RNF213: variants seen among roughly 807,000 people sequenced by gnomAD.
RNF213 encodes the protein ring finger protein 213, also known as E3 ubiquitin-protein ligase RNF213.
In RNF213, 341 loss-of-function variants were observed where a neutral mutation model predicts 514.4. That is an observed-to-expected ratio of 0.66 (90% CI 0.61 to 0.73). RNF213 has a LOEUF of 0.73. Ranked by LOEUF, RNF213 falls within the 30% of genes least tolerant of loss-of-function variation. RNF213 has a pLI of 0.00. For missense variants in RNF213, 5,767 were observed against 6,615.6 expected (o/e 0.87, Z 4.45); for synonymous variants, 2,655 against 2,658.2 (o/e 1.00, Z 0.04).
chr17:80,380,782 C>G (rs756832892), intron 55 of RNF213, 49 bp from the exon 56 acceptor site: 26 of 1,612,588 alleles, frequency 1.6e-5, no homozygotes, highest in Non-Finnish European at 2.2e-5. Context: ...TGCAGCGTGC[C>G]AAAGCGGCCA....
chr17:80,376,175 T>A (rs1320210166), intron 51 of RNF213, 126 bp from the exon 52 acceptor site: 11 of 1,176,622 alleles, frequency 9.3e-6, no homozygotes, highest in Non-Finnish European at 1.4e-5. Flanking sequence ...AATTTCCCCC[T>A]CAAATGGTGG....
rs139727178 is a variant in RNF213 at position 80,343,498 on chromosome 17, T to C, written c.6183+173T>C. On this transcript the variant is annotated intron_variant, in intron 27 of 67. Transcript: ENST00000582970. This position sits in a 1 kb window ranked among gnomAD's most constrained non-coding sequence, Gnocchi z 4.3. Reference sequence around the variant, plus strand: ...GTGTTGTCAGGCAGTTTCCTCCTTGTGTGAACGTCATGGTGTGCGCTTACA... The same window carrying C: ...GTGTTGTCAGGCAGTTTCCTCCTTGCGTGAACGTCATGGTGTGCGCTTACA... Among the ~76,000 whole-genome samples, 7 of 152,288 alleles carry C rather than the reference T, an allele frequency of 4.6e-5. No homozygotes were observed. The East Asian group carries it at 1.4e-3, about 29-fold the overall frequency.
rs755318187 is a variant in RNF213 at position 80,383,810 on chromosome 17, T to C, written c.14204T>C (p.Val4735Ala). 6.2e-7 allele frequency: 1 copy of C among 1,614,146 alleles called. No individual in the cohort carries two copies. The highest frequency in any genetic ancestry group is 1.3e-5 in the African/African-American group (1 of 75,046). The change falls in exon 59 of 68, where the codon GTC becomes GCC. Residue 4735 changes from valine (V) to alanine (A), a missense_variant. This residue lies in a region of RNF213 where 1,245 missense variants were observed against 1,339.0 expected (regional missense o/e 0.93). Transcript: ENST00000582970. ...FLPHLPRKSV[V>A]HCSKIWSCRK... ...CCCCACCTGCCCCGGAAAAGTGTGG[T>C]CCATTGCTCTAAGATTTGGAGCTGC...
At chr17:80,297,449 C>CA (rs763957997) in intron 10 of RNF213, among the ~76,000 whole-genome samples, 10,984 of 123,452 alleles carry the variant, frequency 0.089, 525 homozygotes, top group East Asian at 0.23. Context: ...GACTTCATCT[C>CA]AAAAAAAAAA....
intron 30 of RNF213, 108 bp from the exon 31 acceptor site, chr17:80,350,193 G>T: frequency 2.5e-6 from 2 of 810,768 alleles, no homozygotes; most frequent in East Asian, 2.6e-5. Flanking sequence ...AATCCTACCT[G>T]AGTAGCTGTT....
intron 52 of RNF213, 47 bp downstream of exon 52, chr17:80,376,590 A>C (rs770660616): frequency 8.7e-6 from 14 of 1,612,756 alleles, no homozygotes; most frequent in African/African-American, 1.3e-5. Context: ...AACACCCCCC[A>C]GAGCTTGTCA....
chr17:80,297,697 G>GA (rs1489988383), intron 10 of RNF213, among the ~76,000 whole-genome samples: 2 of 150,570 alleles, frequency 1.3e-5, no homozygotes, highest in Non-Finnish European at 2.9e-5. Context: ...TGAGGCAGGA[G>GA]AATGGCGTGA....
rs1487134269 is a variant in RNF213, at chr17:80,337,887, G to A, written c.4723G>A (p.Glu1575Lys). 7 of 1,537,148 alleles carry A rather than the reference G, an allele frequency of 4.6e-6. No homozygotes were observed. Among genetic ancestry groups the A allele is most frequent in the East Asian group, 2.4e-5 (1 of 40,928 alleles). ...LILPESPGSH[E>K]ESREYSLEEV... The stretch of plus-strand genomic sequence containing the variant: ...CCTTCCTGAGAGCCCTGGCAGCCAC[G>A]AGGAGTCACGAGAGTACTCTTTAGA... The change falls in exon 25 of 68, where the codon GAG (glutamate) becomes AAG (lysine). Residue 1575 changes from glutamate (E) to lysine (K), a missense_variant. Physicochemically the swap from Glu to Lys is moderately conservative, Grantham distance 56 (BLOSUM62 1). This residue lies in a region of RNF213 where 1,377 missense variants were observed against 1,635.2 expected (regional missense o/e 0.84). Transcript: ENST00000582970.
intron 1 of RNF213, among the ~76,000 whole-genome samples, chr17:80,262,359 G>A (rs1366358445): frequency 1.3e-5 from 2 of 152,208 alleles, no homozygotes; most frequent in East Asian, 1.9e-4. Flanking sequence ...TCAAAGAGAA[G>A]ACTGCAGAAG....
At position 80,263,608 on chromosome 17, in the gene RNF213, C is replaced by A; in HGVS notation, c.-74C>A. ...CTGAAGCCGTGGTCACGTGACAGGA[C>A]ATGTAGTATATAGCAGGCTGCCAGC... On this transcript the variant is annotated 5_prime_UTR_variant, in exon 2 of 68. Coordinates refer to ENST00000582970, the MANE Select transcript of RNF213 (RefSeq NM_001256071.3). This position sits in a 1 kb window ranked among gnomAD's most constrained non-coding sequence, Gnocchi z 4.9. 1 of 1,146,692 alleles carries A rather than the reference C, an allele frequency of 8.7e-7. No individual in the cohort carries two copies. Among genetic ancestry groups the A allele is most frequent in the Non-Finnish European group, 1.3e-6 (1 of 753,338 alleles). 71.0% of individuals were successfully genotyped at this position (1,146,692 alleles called of 1,614,324 possible). A position where few individuals can be genotyped will look rare whatever the true frequency, so the allele number is the denominator to read the frequency against.
intron 31 of RNF213, among the ~76,000 whole-genome samples, chr17:80,350,980 T>C (rs114341790): frequency 6.7e-4 from 102 of 152,386 alleles, no homozygotes; most frequent in African/African-American, 2.4e-3. Context: ...TTTTCCTATT[T>C]ATTGGATATT....
chr17:80,363,051 T>C (rs1450546425), intron 39 of RNF213, 51 bp from the exon 40 acceptor site: 9 of 1,509,962 alleles, frequency 6.0e-6, no homozygotes, highest in Non-Finnish European at 8.2e-6. Context: ...GGGGAAAACA[T>C]ACCATTTTTG....
chr17:80,305,640 C>G (rs1412138244), intron 11 of RNF213, among the ~76,000 whole-genome samples: 1 of 147,952 alleles, frequency 6.8e-6, no homozygotes, highest in Admixed American at 6.8e-5. Flanking sequence ...GAGACAGAGT[C>G]TCACTCTGTT....
intron 17 of RNF213, among the ~76,000 whole-genome samples, chr17:80,323,462 T>C (rs565885374): frequency 2.6e-5 from 4 of 152,172 alleles, no homozygotes; most frequent in Non-Finnish European, 5.9e-5. Context: ...TGGTATTCAA[T>C]GTATAGATCA....
rs71163954 is a variant in RNF213, at chr17:80,396,726, TCC to T, written c.*3234_*3235del. ...AAAACAAGCGCCAGGAAAGTGCATT[TCC>T]CCCCCACCCCCCCCCCCCAACCAGA... On this transcript the variant is annotated 3_prime_UTR_variant, in exon 68 of 68. Coordinates refer to ENST00000582970, the MANE Select transcript of RNF213 (RefSeq NM_001256071.3). 7.4e-5 allele frequency: 5 copies of T among 67,920 alleles called. No homozygotes were observed. Among genetic ancestry groups the T allele is most frequent in the South Asian group, 5.9e-4 (1 of 1,704 alleles). 4.2% of individuals were successfully genotyped at this position (67,920 alleles called of 1,614,324 possible).
chr17:80,292,426 CT>C (rs1236219672), intron 8 of RNF213, among the ~76,000 whole-genome samples: 1 of 152,146 alleles, frequency 6.6e-6, no homozygotes, highest in African/African-American at 2.4e-5. Context: ...AGGGCTGCGG[CT>C]GGGAACAGAG....
chr17:80,349,888 C>T lies in RNF213; in HGVS notation c.10070C>T (p.Ser3357Leu). 6.2e-7 allele frequency: 1 copy of T among 1,613,884 alleles called. No homozygotes were observed. Among genetic ancestry groups the T allele is most frequent in the South Asian group, 1.1e-5 (1 of 91,064 alleles). The change falls in exon 30 of 68, where the codon TCA becomes TTA. Residue 3357 changes from serine to leucine, a missense_variant. By Grantham distance (145) the Ser-to-Leu change is moderately radical (BLOSUM62 -2). Coordinates refer to ENST00000582970, the MANE Select transcript of RNF213 (RefSeq NM_001256071.3). ...LWLQQFDTEY[S>L]FLKEVRNCLT... Reference sequence around the variant, plus strand: ...CTGCAGCAGTTTGACACCGAGTACTCATTCCTCAAAGAAGTCCGGTGAGGT... The same window carrying T: ...CTGCAGCAGTTTGACACCGAGTACTTATTCCTCAAAGAAGTCCGGTGAGGT...
Position 80,273,432 on chromosome 17 carries a change from G to A in RNF213, c.261+28G>A, listed in dbSNP as rs373706530. On this transcript the variant is annotated intron_variant, in intron 3 of 67. Coordinates refer to ENST00000582970, the MANE Select transcript of RNF213 (RefSeq NM_001256071.3). ...GAGTGCACTGCCTCGGCTCCCCTCC[G>A]CCCCCGCTCACTCTGCCCAGGAAAA... 56 of 1,609,218 alleles carry A rather than the reference G, an allele frequency of 3.5e-5. No homozygotes were observed. The Middle Eastern group carries it at 8.3e-4, about 24-fold the overall frequency.
At chr17:80,324,182 A>T (rs187294748) in intron 17 of RNF213, among the ~76,000 whole-genome samples, 2 of 152,336 alleles carry the variant, frequency 1.3e-5, no homozygotes, top group East Asian at 3.9e-4. Context: ...TCTTAAGAGA[A>T]GGTTTCAGTC....
Sources: gnomAD v4.1 joint callset for allele counts (sites outside exome capture counted in the v4.1 genomes callset) on GRCh38, gnomAD v4.1.1 for gene constraint, gnomAD v4.1.1 regional missense constraint, Gnocchi (gnomAD v3.1) non-coding constraint, MANE v1.5 for transcripts, NCBI Gene and HGNC (gene_info 2026-07-23, HGNC 2026-07-21) for gene names.